The following CTPS2 variants were observed in gnomAD, a reference collection of about 807,000 sequenced individuals.
CTPS2 encodes CTP synthase 2.
A neutral mutation model predicts 46.8 loss-of-function variants in CTPS2; 19 were observed. The observed-to-expected ratio is 0.41, with a 90% CI of 0.28 to 0.60. CTPS2 has a LOEUF of 0.60. Among genes scored for constraint, CTPS2 ranks in the 20% least tolerant of loss-of-function variants. The pLI is 0.35. For missense variants in CTPS2, 286 were observed against 447.6 expected, an observed-to-expected ratio of 0.64 and a Z score of 3.26; for synonymous variants, 151 against 165.2, an observed-to-expected ratio of 0.91 and a Z score of 0.66.
intron 18 of CTPS2, 45 bp downstream of exon 18, chrX:16,590,707 C>T (rs1928851040): frequency 6.8e-6 from 5 of 735,770 alleles, no homozygotes; most frequent in Non-Finnish European, 6.3e-6. Flanking sequence ...AAGATGACAG[C>T]TTGTCCATGA....
At chrX:16,711,921 C>A (rs944517471) in intron 1 of CTPS2, 1 of 111,028 alleles carries the variant, frequency 9.0e-6, no homozygotes, top group African/African-American at 3.3e-5. Context: ...GCGCTGATCA[C>A]CAGCCTCGCA....
At chrX:16,691,409 C>G in intron 7 of CTPS2, 131 bp downstream of exon 7, 1 of 521,077 alleles carries the variant, frequency 1.9e-6, no homozygotes, top group Non-Finnish European at 3.4e-6. Flanking sequence ...GCTAGGGAAT[C>G]ATGGTTGGAT....
intron 4 of CTPS2, among the ~76,000 whole-genome samples, chrX:16,695,004 AC>A (rs1231209016): frequency 1.8e-5 from 2 of 109,417 alleles, no homozygotes; most frequent in Non-Finnish European, 3.9e-5. Flanking sequence ...TCTTTAAAAA[AC>A]AACAACAACA....
Position 16,694,697 on chromosome X carries a change from T to C in CTPS2, c.439-1210A>G, listed in dbSNP as rs781729211. ...AGTGTTCTAGTACCTGTTACCAAAA[T>C]TACAGCAGAACCAAAGCCAGGGCTG... On this transcript the variant is annotated intron_variant, in intron 4 of 18. Coordinates refer to ENST00000359276, the MANE Select transcript of CTPS2 (RefSeq NM_175859.3). 7.1e-5 allele frequency among the ~76,000 whole-genome samples: 8 copies of C among 112,237 alleles called. No individual in the cohort carries two copies. The Admixed American group carries it at 7.6e-4, about 11-fold the overall frequency.
At chrX:16,691,313 T>C (rs1000594036) in intron 7 of CTPS2, among the ~76,000 whole-genome samples, 1 of 111,645 alleles carries the variant, frequency 9.0e-6, no homozygotes, top group Admixed American at 9.5e-5. Flanking sequence ...AGTGACACTC[T>C]GTCTCAAGAA....
intron 13 of CTPS2, among the ~76,000 whole-genome samples, chrX:16,662,273 G>A (rs1263885199): frequency 9.0e-6 from 1 of 111,110 alleles, no homozygotes; most frequent in Non-Finnish European, 1.9e-5. Flanking sequence ...AAGTCCCAGA[G>A]CCTTCAATTT....
intron 17 of CTPS2, among the ~76,000 whole-genome samples, chrX:16,608,592 T>G (rs1343578826): frequency 5.4e-5 from 6 of 111,380 alleles, no homozygotes; most frequent in Non-Finnish European, 1.1e-4. Context: ...AGACCTTATC[T>G]CTAAGAAAAT....
chrX:16,676,928 G>A (rs1448116071), intron 10 of CTPS2, among the ~76,000 whole-genome samples: 5 of 110,194 alleles, frequency 4.5e-5, no homozygotes, highest in African/African-American at 1.3e-4. Flanking sequence ...GCATGGTAGC[G>A]CGTGCCTGTA....
chrX:16,665,377 A>T (rs1488988519), intron 13 of CTPS2, among the ~76,000 whole-genome samples: 2 of 112,725 alleles, frequency 1.8e-5, no homozygotes, highest in African/African-American at 6.4e-5. Context: ...AACAATGCAG[A>T]TGTTCATCAA....
intron 14 of CTPS2, among the ~76,000 whole-genome samples, chrX:16,628,038 C>T (rs568589224): frequency 3.6e-5 from 4 of 111,279 alleles, no homozygotes; most frequent in African/African-American, 1.3e-4. Context: ...GTGGCTGGGT[C>T]CTAGGGGTGA....
chrX:16,668,715 G>C (rs188130079), intron 11 of CTPS2, among the ~76,000 whole-genome samples: 1,068 of 94,543 alleles, frequency 0.011, 13 homozygotes, highest in South Asian at 0.023. Context: ...AGGAAGGGGA[G>C]GGAAGGGAGG....
intron 17 of CTPS2, among the ~76,000 whole-genome samples, chrX:16,606,907 AC>A (rs1930005774): frequency 8.9e-6 from 1 of 112,058 alleles, no homozygotes; most frequent in African/African-American, 3.2e-5. Flanking sequence ...GTGTGCCACC[AC>A]GTCTGGCTAA....
intron 16 of CTPS2, 88 bp from the exon 17 acceptor site, chrX:16,609,773 A>C (rs1273200891): frequency 2.3e-4 from 216 of 931,816 alleles, no homozygotes; most frequent in Middle Eastern, 3.2e-4. Flanking sequence ...ATGAAAACTC[A>C]TTAAATGGTA....
rs761527260 is a variant in CTPS2, at chrX:16,702,738, G to A, written c.165C>T (p.His55=). Reference sequence around the variant, plus strand: ...GGGGGAAGTGGTTCACTTTCGTACCGTGTTCATAAGGTGAAAAAGTGCCAG... The same window carrying A: ...GGGGGAAGTGGTTCACTTTCGTACCATGTTCATAAGGTGAAAAAGTGCCAG... The part of the protein sequence containing the change: ...IDAGTFSPYE[H]GEVFVLNDGG... The change falls in exon 2 of 19, where the codon CAC becomes CAT. Residue 55 remains histidine (H), a splice_region_variant and synonymous_variant. Coordinates refer to ENST00000359276, the MANE Select transcript of CTPS2 (RefSeq NM_175859.3). 7 of 1,206,856 alleles carry A rather than the reference G, an allele frequency of 5.8e-6. No individual in the cohort carries two copies. The highest frequency in any genetic ancestry group is 3.5e-5 in the African/African-American group (2 of 57,084).
Position 16,660,435 on chromosome X carries a change from C to T in CTPS2, c.1296+7079G>A, listed in dbSNP as rs6629165. Among the ~76,000 whole-genome samples, 288 of 109,943 alleles carry T rather than the reference C, an allele frequency of 2.6e-3. 5 individuals are homozygous for T. The East Asian group carries it at 0.061, about 23-fold the overall frequency. On this transcript the variant is annotated intron_variant, in intron 13 of 18. Coordinates refer to ENST00000359276, the MANE Select transcript of CTPS2 (RefSeq NM_175859.3). ...TTTATTATTTTTTGAGACAGTCTTG[C>T]TCTGTCACCAGGCTGGAGTGCAGTG... is the stretch of plus-strand genomic sequence containing the variant.
intron 14 of CTPS2, among the ~76,000 whole-genome samples, chrX:16,637,433 G>A (rs1480389135): frequency 1.8e-5 from 2 of 111,928 alleles, no homozygotes; most frequent in Non-Finnish European, 3.8e-5. Flanking sequence ...TGCCAAGGCT[G>A]GTCTTGAATT....
At chrX:16,649,098 A>G (rs1389904923) in intron 13 of CTPS2, among the ~76,000 whole-genome samples, 2 of 112,385 alleles carry the variant, frequency 1.8e-5, no homozygotes, top group African/African-American at 3.2e-5. Context: ...AGTAGAAATC[A>G]ATCTCCTTGG....
chrX:16,608,036 A>G (rs942295708), intron 17 of CTPS2, among the ~76,000 whole-genome samples: 1 of 110,763 alleles, frequency 9.0e-6, no homozygotes, highest in Non-Finnish European at 1.9e-5. Flanking sequence ...ACATGGTGAA[A>G]CCCTGTCTCT....
chrX:16,672,257 C>T (rs1221657358), intron 10 of CTPS2, among the ~76,000 whole-genome samples: 4 of 111,063 alleles, frequency 3.6e-5, no homozygotes, highest in Non-Finnish European at 7.5e-5. Flanking sequence ...GAGCTTTTTC[C>T]TCCTCAAAAG....
Sources: gnomAD v4.1 joint callset for allele counts (sites outside exome capture counted in the v4.1 genomes callset) on GRCh38, gnomAD v4.1.1 for gene constraint, MANE v1.5 for transcripts, NCBI Gene and HGNC (gene_info 2026-07-23, HGNC 2026-07-21) for gene names.